Variants in CACNA1A observed in about 807,000 individuals in gnomAD.
CACNA1A encodes voltage-dependent P/Q-type calcium channel subunit alpha-1A.
A neutral mutation model predicts 262.4 loss-of-function variants in CACNA1A; 57 were observed. That is an observed-to-expected ratio of 0.22 (90% confidence interval 0.18 to 0.27). CACNA1A has a LOEUF of 0.27. Ranked by LOEUF, CACNA1A falls within the 10% of genes least tolerant of loss-of-function variation. The pLI, the probability that CACNA1A is intolerant of heterozygous loss-of-function variation, is 1.00. For missense variants in CACNA1A, 2,526 were observed against 3,562.8 expected (o/e 0.71, Z 7.41); for synonymous variants, 1,431 against 1,419.3 (o/e 1.01, Z -0.18).
rs1555774876 is a variant in CACNA1A, at chr19:13,365,481, C to A, written c.632-12G>T. The A allele has an allele frequency of 6.2e-7, 1 of 1,612,620 alleles. No homozygotes were observed. The highest frequency in any genetic ancestry group is 8.5e-7 in the Non-Finnish European group (1 of 1,179,072). On this transcript the variant is annotated splice_polypyrimidine_tract_variant and intron_variant, in intron 4 of 46. Coordinates refer to ENST00000360228, the MANE Select transcript of CACNA1A (RefSeq NM_001127222.2). ...GACGACTTGTAAACCTGGGGGGACA[C>A]AGAGAGAGGCCCCATAAGCCCATGA...
At chr19:13,269,362 G>A (rs2056957829) in intron 24 of CACNA1A, among the ~76,000 whole-genome samples, 1 of 152,222 alleles carries the variant, frequency 6.6e-6, no homozygotes, top group South Asian at 2.1e-4. Flanking sequence ...CAGCTGGGAA[G>A]ACAGACTAAG....
chr19:13,371,886 A>G (rs1207719506), intron 3 of CACNA1A, 107 bp from the exon 4 acceptor site: 3 of 798,204 alleles, frequency 3.8e-6, no homozygotes, highest in Middle Eastern at 2.2e-4. Flanking sequence ...TTGGGTGACC[A>G]CAGGCAGGTG....
chr19:13,308,559 G>C lies in CACNA1A; in HGVS notation c.1669-31C>G, dbSNP rs747221742. 5 of 1,425,430 alleles carry C rather than the reference G, an allele frequency of 3.5e-6. No homozygotes were observed. The highest frequency in any genetic ancestry group is 4.9e-6 in the Non-Finnish European group (5 of 1,021,762). The allele number at this position is 1,425,430 out of a possible 1,614,324, so 88.3% of individuals were successfully genotyped here. ...GCAGAGAACCTGGTCTCATGTCCAG[G>C]GACAGTGTCTGGGCTCCAGAACTGG... On this transcript the variant is annotated intron_variant, in intron 12 of 46. Transcript: ENST00000360228. The surrounding 1 kb of genome is among the most constrained non-coding windows in gnomAD (Gnocchi z 4.2).
rs1005566327 is a variant in CACNA1A at position 13,241,592 on chromosome 19, C to G, written c.4950+3590G>C. ...GGGGCAGTTGGGGAGGCGTGTTCAG[C>G]ATTTTTTAGGTTGATTTGTAACCAG... On this transcript the variant is annotated intron_variant, in intron 31 of 46. Coordinates refer to ENST00000360228, the MANE Select transcript of CACNA1A (RefSeq NM_001127222.2). This position sits in a 1 kb window ranked among gnomAD's most constrained non-coding sequence, Gnocchi z 4.0. 4 of 934,346 alleles carry G rather than the reference C, an allele frequency of 4.3e-6. No homozygotes were observed. The highest frequency in any genetic ancestry group is 6.5e-6 in the Non-Finnish European group (4 of 615,316). The allele number at this position is 934,346 out of a possible 1,614,324, so 57.9% of individuals were successfully genotyped here.
At chr19:13,402,873 CATATATATATATATATAT>C (rs71170507) in intron 3 of CACNA1A, among the ~76,000 whole-genome samples, 6,903 of 72,884 alleles carry the variant, frequency 0.095, 420 homozygotes, top group East Asian at 0.3. Context: ...CACACACACA[CATATATATATATATATAT>C]ATATATATAT....
chr19:13,490,001 C>T (rs1980560801), intron 1 of CACNA1A, among the ~76,000 whole-genome samples: 1 of 152,154 alleles, frequency 6.6e-6, no homozygotes, highest in South Asian at 2.1e-4. Context: ...TCTCCCCACC[C>T]AGAATATCAG....
intron 3 of CACNA1A, among the ~76,000 whole-genome samples, chr19:13,413,836 T>G (rs1300509651): frequency 3.4e-5 from 5 of 145,532 alleles, no homozygotes; most frequent in Admixed American, 2.8e-4. Flanking sequence ...AGCTAAGATC[T>G]TGCCATTGCA....
At chr19:13,389,503 G>A (rs1191419528) in intron 3 of CACNA1A, among the ~76,000 whole-genome samples, 1 of 152,168 alleles carries the variant, frequency 6.6e-6, no homozygotes, top group Non-Finnish European at 1.5e-5. Context: ...TGGCCTCCCT[G>A]GGCCACACCC....
intron 19 of CACNA1A, among the ~76,000 whole-genome samples, chr19:13,292,766 TTTA>T (rs1164666047): frequency 1.3e-5 from 2 of 152,212 alleles, no homozygotes; most frequent in African/African-American, 4.8e-5. Context: ...AAAATGTCTT[TTTA>T]TTATTTTATA....
rs766555328 is a variant in CACNA1A at position 13,227,546 on chromosome 19, A to G, written c.5529-19T>C. 10 of 1,491,420 alleles carry G rather than the reference A, an allele frequency of 6.7e-6. No individual in the cohort carries two copies. The South Asian group carries it at 1.1e-4, about 17-fold the overall frequency. 92.4% of individuals were successfully genotyped at this position (1,491,420 alleles called of 1,614,324 possible). On this transcript the variant is annotated intron_variant, in intron 36 of 46. Coordinates refer to ENST00000360228, the MANE Select transcript of CACNA1A (RefSeq NM_001127222.2). The stretch of plus-strand genomic sequence containing the variant: ...GCGGCCCCTGGCAGCACCGAAAATG[A>G]AAAAAACAAAAACAAAAACAAAAAA...
chr19:13,427,557 C>T (rs1014637944), intron 3 of CACNA1A, among the ~76,000 whole-genome samples: 1 of 152,144 alleles, frequency 6.6e-6, no homozygotes, highest in Non-Finnish European at 1.5e-5. Flanking sequence ...CCCAAATTTG[C>T]AACCCTAGAG....
intron 22 of CACNA1A, among the ~76,000 whole-genome samples, chr19:13,282,427 G>T (rs2057313218): frequency 6.6e-6 from 1 of 152,220 alleles, no homozygotes; most frequent in Middle Eastern, 3.4e-3. Context: ...ACTGAGGCAC[G>T]CCCTTGCCTG....
rs1256510526 is a variant in CACNA1A at position 13,207,146 on chromosome 19, C to T, written c.*167G>A. On this transcript the variant is annotated 3_prime_UTR_variant, in exon 47 of 47. Transcript: ENST00000360228. This position sits in a 1 kb window ranked among gnomAD's most constrained non-coding sequence, Gnocchi z 5.7. ...GGTCTCTTTTGGCCGAGGGTCTCTG[C>T]GGGACACCCTTGTGGCCCAGCCCTG... 1.1e-5 allele frequency: 8 copies of T among 722,778 alleles called. No homozygotes were observed. Among genetic ancestry groups the T allele is most frequent in the African/African-American group, 3.9e-5 (2 of 51,746 alleles). The allele number at this position is 722,778 out of a possible 1,614,324, so 44.8% of individuals were successfully genotyped here.
At chr19:13,345,277 C>G in intron 6 of CACNA1A, among the ~76,000 whole-genome samples, 1 of 152,162 alleles carries the variant, frequency 6.6e-6, no homozygotes, top group South Asian at 2.1e-4. Context: ...ACATGATGTG[C>G]CTGGATCACA....
intron 19 of CACNA1A, among the ~76,000 whole-genome samples, chr19:13,289,080 G>C (rs1179549873): frequency 6.6e-6 from 1 of 151,694 alleles, no homozygotes; most frequent in African/African-American, 2.4e-5. Context: ...AGTTTTGTGA[G>C]TGGGTCATAG....
intron 19 of CACNA1A, 54 bp from the exon 20 acceptor site, chr19:13,287,020 C>T (rs909551463): frequency 7.2e-7 from 1 of 1,389,134 alleles, no homozygotes. Flanking sequence ...GGATAAAAGG[C>T]AACAGTTCAG....
rs2059728707 is a variant in CACNA1A at position 13,392,576 on chromosome 19, G to C, written c.540-20797C>G. On this transcript the variant is annotated intron_variant, in intron 3 of 46. Transcript: ENST00000360228. Reference sequence around the variant, plus strand: ...AACCTGCTACAGGAGAGGCACTCCAGGAGCAAAATAAAAACAAACTCTCAT... The same window carrying C: ...AACCTGCTACAGGAGAGGCACTCCACGAGCAAAATAAAAACAAACTCTCAT... 2.6e-5 allele frequency among the ~76,000 whole-genome samples: 4 copies of C among 152,220 alleles called. No homozygotes were observed. The South Asian group carries it at 8.3e-4, about 31-fold the overall frequency.
At chr19:13,356,639 C>G (rs1337376637) in intron 6 of CACNA1A, among the ~76,000 whole-genome samples, 1 of 152,210 alleles carries the variant, frequency 6.6e-6, no homozygotes, top group Non-Finnish European at 1.5e-5. Context: ...GTCATCCAAC[C>G]CTGTGACATA....
intron 1 of CACNA1A, among the ~76,000 whole-genome samples, chr19:13,493,932 TAAAC>T (rs1981197818): frequency 1.3e-5 from 2 of 152,234 alleles, no homozygotes; most frequent in Non-Finnish European, 2.9e-5. Context: ...GTTGTGAAAT[TAAAC>T]AAGACACCCA....
Sources: allele counts gnomAD v4.1 joint callset (sites outside exome capture counted in the v4.1 genomes callset), GRCh38; gene constraint gnomAD v4.1.1; non-coding constraint Gnocchi (gnomAD v3.1); transcripts MANE v1.5; gene names NCBI Gene and HGNC (gene_info 2026-07-23, HGNC 2026-07-21).